Variants in SIM1 observed in about 807,000 individuals in gnomAD.
SIM1 encodes single-minded homolog 1.
In SIM1, 18 loss-of-function variants were observed where a neutral mutation model predicts 78.2. The observed-to-expected ratio is 0.23, with a 90% CI of 0.16 to 0.34. The LOEUF is 0.34. Among genes scored for constraint, SIM1 ranks in the 10% least tolerant of loss-of-function variants. The probability of loss-of-function intolerance (pLI) is 1.00; values close to 1 mark genes in which losing one functional copy is unlikely to be tolerated. For synonymous variants in SIM1, 417 were observed against 385.2 expected, an observed-to-expected ratio of 1.08 and a Z score of -0.97; for missense variants, 939 against 975.1, an observed-to-expected ratio of 0.96 and a Z score of 0.49.
chr6:100,411,413 C>T (rs1448530188), intron 10 of SIM1, among the ~76,000 whole-genome samples: 7 of 152,136 alleles, frequency 4.6e-5, no homozygotes, highest in African/African-American at 1.7e-4. Context: ...TAGATTCTAC[C>T]ACATCTAATT....
Position 100,412,677 on chromosome 6 carries a change from G to GAA in SIM1, c.1167+8111_1167+8112dup, listed in dbSNP as rs1270314753. On this transcript the variant is annotated intron_variant, in intron 10 of 11. Transcript: ENST00000369208. Reference sequence around the variant, plus strand: ...AGAAAGAGAGAGAGAGAGAGAGAAAGAAAGAAAAAGAAAGAAAGAAAGAAA... The same window carrying GAA: ...AGAAAGAGAGAGAGAGAGAGAGAAAGAAAAAGAAAAAGAAAGAAAGAAAGAAA... Among the ~76,000 whole-genome samples, 541 of 101,644 alleles carry GAA rather than the reference G, an allele frequency of 5.3e-3. 6 individuals carry two copies. The highest frequency in any genetic ancestry group is 7.5e-3 in the East Asian group (21 of 2,792). The allele number at this position is 101,644 out of a possible 152,430, so 66.7% of individuals were successfully genotyped here.
intron 10 of SIM1, among the ~76,000 whole-genome samples, chr6:100,410,530 A>C (rs76253422): frequency 6.3e-4 from 96 of 152,316 alleles, no homozygotes; most frequent in African/African-American, 2.3e-3. Context: ...ACAAAGCTGC[A>C]GCTGTGCTTT....
chr6:100,414,102 G>T lies in SIM1; in HGVS notation c.1167+6688C>A, dbSNP rs377235052. Among the ~76,000 whole-genome samples the T allele has an allele frequency of 6.6e-4, 101 of 152,342 alleles. 4 individuals are homozygous for T. In the South Asian group the frequency reaches 0.018, roughly 28 times the overall value. On this transcript the variant is annotated intron_variant, in intron 10 of 11. Coordinates refer to ENST00000369208, the MANE Select transcript of SIM1 (RefSeq NM_005068.3). ...TAAGGAAGTTAATTAATGGAGAATA[G>T]TATGAACAGAATGTGATTTCATAAA...
rs1327911469 is a variant in SIM1 at position 100,463,635 on chromosome 6, AC to A, written c.-168del. 3.3e-6 allele frequency: 2 copies of A among 608,012 alleles called. No homozygotes were observed. The highest frequency in any genetic ancestry group is 1.8e-5 in the African/African-American group (1 of 54,666). 37.7% of individuals were successfully genotyped at this position (608,012 alleles called of 1,614,324 possible). On this transcript the variant is annotated 5_prime_UTR_variant, in exon 2 of 12. Coordinates refer to ENST00000369208, the MANE Select transcript of SIM1 (RefSeq NM_005068.3). ...AACAGTGTATTGATGGCAGTAAAAG[AC>A]CAGCGGGGGTGAACGGAAAATATGT...
chr6:100,390,819 T>G lies in SIM1; in HGVS notation c.1843A>C (p.Thr615Pro), dbSNP rs1039937294. The G allele has an allele frequency of 4.3e-6, 7 of 1,614,050 alleles. No individual in the cohort carries two copies. Residue 615 changes from threonine to proline, a missense_variant, in exon 12 of 12, where the codon ACA (threonine) becomes CCA (proline). By Grantham distance (38) the Thr-to-Pro change is conservative (BLOSUM62 -1). Transcript: ENST00000369208. ...GCAGAGCCATGGCAGACTTCACCTG[T>G]TGGTGGGGGCTGTTGGTAGTTTGCA... ...CFANYQQPPP[T>P]GEVCHGSALA...
At chr6:100,439,151 G>A (rs1362157084) in intron 9 of SIM1, among the ~76,000 whole-genome samples, 1 of 152,154 alleles carries the variant, frequency 6.6e-6, no homozygotes, top group Non-Finnish European at 1.5e-5. Context: ...TGAAGTTCAA[G>A]GTGAAGAATG....
At chr6:100,409,476 C>G (rs1771138599) in intron 10 of SIM1, among the ~76,000 whole-genome samples, 1 of 151,412 alleles carries the variant, frequency 6.6e-6, no homozygotes, top group African/African-American at 2.4e-5. Context: ...TGTTGATCTT[C>G]TCAAAAAACC....
chr6:100,460,892 T>G (rs1772822233), intron 2 of SIM1, among the ~76,000 whole-genome samples: 1 of 152,200 alleles, frequency 6.6e-6, no homozygotes, highest in Admixed American at 6.5e-5. Flanking sequence ...AATTAAAAAC[T>G]CATCCCTAGG....
At chr6:100,427,281 T>C (rs908687980) in intron 9 of SIM1, 1 of 152,222 alleles carries the variant, frequency 6.6e-6, no homozygotes, top group Admixed American at 6.5e-5. Flanking sequence ...AAGGCACCCT[T>C]GGAAATGTAA....
intron 10 of SIM1, among the ~76,000 whole-genome samples, chr6:100,410,515 G>A (rs2114487499): frequency 6.6e-6 from 1 of 152,318 alleles, no homozygotes; most frequent in Middle Eastern, 3.4e-3. Context: ...CTGTAAGGAT[G>A]AGAGACAAAG....
intron 3 of SIM1, among the ~76,000 whole-genome samples, chr6:100,450,692 T>TCACA (rs1554224917): frequency 2.2e-4 from 19 of 88,284 alleles, no homozygotes; most frequent in Middle Eastern, 4.8e-3. Context: ...TCTCTCTCTC[T>TCACA]CTCTCACACA....
intron 9 of SIM1, among the ~76,000 whole-genome samples, chr6:100,433,431 C>G (rs972057070): frequency 6.6e-6 from 1 of 152,202 alleles, no homozygotes; most frequent in Non-Finnish European, 1.5e-5. Flanking sequence ...ACATGGCTGG[C>G]TCCCTTCCTT....
Position 100,407,796 on chromosome 6 carries a change from CCTT to C in SIM1, c.1167+12991_1167+12993del, listed in dbSNP as rs554428596. Reference sequence around the variant, plus strand: ...TTTGCTCATTTTTAATCAAATATTTCCTTCTTCTTTTCTTTCTTTTTTCTGCTT... The same window carrying C: ...TTTGCTCATTTTTAATCAAATATTTCCTTCTTTTCTTTCTTTTTTCTGCTT... On this transcript the variant is annotated intron_variant, in intron 10 of 11. Coordinates refer to ENST00000369208, the MANE Select transcript of SIM1 (RefSeq NM_005068.3). Among the ~76,000 whole-genome samples, 474 of 151,926 alleles carry C rather than the reference CCTT, an allele frequency of 3.1e-3. 1 individual carries two copies. Among genetic ancestry groups the C allele is most frequent in the African/African-American group, 0.011 (456 of 41,490 alleles).
In SIM1 at chr6:100,398,733, G is replaced by A. The variant is rs553488035; in HGVS notation, c.1168-4844C>T. 2.8e-4 allele frequency among the ~76,000 whole-genome samples: 43 copies of A among 152,216 alleles called. 1 individual carries two copies. The highest frequency in any genetic ancestry group is 3.9e-4 in the East Asian group (2 of 5,190). ...CTATGAAGCTACGATGAACATGGGT[G>A]TACAAATATGTCTTTGAGACTCTGT... On this transcript the variant is annotated intron_variant, in intron 10 of 11. Transcript: ENST00000369208.
At chr6:100,418,713 T>C (rs1258447439) in intron 10 of SIM1, among the ~76,000 whole-genome samples, 1 of 152,192 alleles carries the variant, frequency 6.6e-6, no homozygotes, top group East Asian at 1.9e-4. Flanking sequence ...CTAATTTAAA[T>C]TCTTCTTTCA....
Position 100,416,514 on chromosome 6 carries a change from C to T in SIM1, c.1167+4276G>A, listed in dbSNP as rs573812577. 2.0e-5 allele frequency among the ~76,000 whole-genome samples: 3 copies of T among 152,064 alleles called. No homozygotes were observed. In the South Asian group the frequency reaches 6.2e-4, roughly 32 times the overall value. On this transcript the variant is annotated intron_variant, in intron 10 of 11. Transcript: ENST00000369208. ...TTTGCTTTTGCTCTGGAAACTGCCTCTTGAAAATTTTGATGAGAATTTGCA... is the reference window on the plus strand; with the variant it reads ...TTTGCTTTTGCTCTGGAAACTGCCTTTTGAAAATTTTGATGAGAATTTGCA...
Position 100,391,259 on chromosome 6 carries a change from T to C in SIM1, c.1571-168A>G, listed in dbSNP as rs527887264. Among the ~76,000 whole-genome samples the C allele has an allele frequency of 1.2e-4, 18 of 152,370 alleles. No individual in the cohort carries two copies. In the South Asian group the frequency reaches 3.3e-3, roughly 28 times the overall value. On this transcript the variant is annotated intron_variant, in intron 11 of 11. Coordinates refer to ENST00000369208, the MANE Select transcript of SIM1 (RefSeq NM_005068.3). ...AGCACATGAGTGACACATGACACTC[T>C]ATGTGTCAACTCTCTGTACTGGATT... is the stretch of plus-strand genomic sequence containing the variant.
chr6:100,453,848 T>G lies in SIM1; in HGVS notation c.176-4A>C, dbSNP rs1206121044. ...TGGCCCCACGCCTCGCCGAGCCCTG[T>G]GGAGACACAGAAGCATCCTGTAGCC... On this transcript the variant is annotated splice_region_variant and splice_polypyrimidine_tract_variant and intron_variant, in intron 2 of 11. Transcript: ENST00000369208. 6.2e-6 allele frequency: 10 copies of G among 1,608,200 alleles called. 1 individual carries two copies. In the East Asian group the frequency reaches 2.0e-4, roughly 33 times the overall value.
Position 100,463,427 on chromosome 6 carries a change from C to T in SIM1, c.42G>A (p.Glu14=). The stretch of plus-strand genomic sequence containing the variant: ...GTTCATAAAATTCACTGTTTTCCTT[C>T]TCCCTCCTAGTCCGCGCAGCATTTT... The part of the protein sequence containing the change: ...KSKNAARTRR[E]KENSEFYELA... The change falls in exon 2 of 12, where the codon GAG becomes GAA. Residue 14 remains glutamate (E), a synonymous_variant. Coordinates refer to ENST00000369208, the MANE Select transcript of SIM1 (RefSeq NM_005068.3). 1 of 1,613,966 alleles carries T rather than the reference C, an allele frequency of 6.2e-7. No individual in the cohort carries two copies. Among genetic ancestry groups the T allele is most frequent in the Non-Finnish European group, 8.5e-7 (1 of 1,179,842 alleles).
Sources: allele counts gnomAD v4.1 joint callset (sites outside exome capture counted in the v4.1 genomes callset), GRCh38; gene constraint gnomAD v4.1.1; transcripts MANE v1.5; gene names NCBI Gene and HGNC (gene_info 2026-07-23, HGNC 2026-07-21).